CLDN16: variants seen among roughly 807,000 people sequenced by gnomAD.
CLDN16 encodes the protein claudin 16.
A neutral mutation model predicts 24.6 loss-of-function variants in CLDN16; 13 were observed. The ratio of observed to expected loss-of-function variants is 0.53; its 90% CI spans 0.34 to 0.84. The LOEUF is 0.84. Among genes scored for constraint, CLDN16 ranks in the 40% least tolerant of loss-of-function variants. CLDN16 has a pLI of 0.01. For missense variants in CLDN16, 298 were observed against 292.7 expected (o/e 1.02, Z -0.13); for synonymous variants, 116 against 106.7 (o/e 1.09, Z -0.54).
chr3:190,390,095 C>A (rs1274802112), intron 1 of CLDN16, among the ~76,000 whole-genome samples: 1 of 152,182 alleles, frequency 6.6e-6, no homozygotes, highest in Non-Finnish European at 1.5e-5. Flanking sequence ...AAGAATACTT[C>A]TAGTTAAAAC....
At chr3:190,390,942 C>T (rs56337446) in intron 1 of CLDN16, among the ~76,000 whole-genome samples, 28,353 of 152,024 alleles carry the variant, frequency 0.19, 3,082 homozygotes, top group Middle Eastern at 0.29. Flanking sequence ...CATGTCCCCA[C>T]AACTGGCTAA....
At chr3:190,296,744 G>T in the CLDN16 span, among the ~76,000 whole-genome samples, 1 of 151,852 alleles carries the variant, frequency 6.6e-6, no homozygotes, top group South Asian at 2.1e-4. Context: ...AGAGGTGGGG[G>T]TTTCACCGTG....
the CLDN16 span, chr3:190,306,360 C>A: frequency 6.6e-6 from 1 of 152,232 alleles, no homozygotes; most frequent in Non-Finnish European, 1.5e-5. Context: ...ACTTGAGAGA[C>A]TGGTTAAGGC....
intron 1 of CLDN16, among the ~76,000 whole-genome samples, chr3:190,347,148 A>T (rs189002253): frequency 4.4e-4 from 67 of 152,300 alleles, no homozygotes; most frequent in African/African-American, 1.5e-3. Flanking sequence ...GAGACGATTG[A>T]CAGAGAGACC....
chr3:190,292,610 A>G, the CLDN16 span, among the ~76,000 whole-genome samples: 1 of 152,106 alleles, frequency 6.6e-6, no homozygotes, highest in Non-Finnish European at 1.5e-5. Context: ...TTCTTTTTCT[A>G]TTGCATCATC....
chr3:190,350,365 T>TATATATATATATATATATATATAC (rs1318369050), intron 1 of CLDN16, among the ~76,000 whole-genome samples: 7 of 148,614 alleles, frequency 4.7e-5, no homozygotes, highest in Non-Finnish European at 7.4e-5. Flanking sequence ...TATATATATA[T>TATATATATATATATATATATATAC]ACTTTATTAT....
At chr3:190,301,008 C>G in the CLDN16 span, among the ~76,000 whole-genome samples, 2 of 152,136 alleles carry the variant, frequency 1.3e-5, no homozygotes, top group East Asian at 3.9e-4. Context: ...AACCAGCTAG[C>G]CTAGTGATAT....
upstream of CLDN16, among the ~76,000 whole-genome samples, chr3:190,385,678 C>T (rs998727944): frequency 2.0e-5 from 3 of 151,626 alleles, no homozygotes; most frequent in Admixed American, 6.6e-5. Context: ...TTATTTCTTT[C>T]CATTAAGTTC....
At chr3:190,356,153 T>A (rs990844539) in intron 1 of CLDN16, among the ~76,000 whole-genome samples, 7 of 151,864 alleles carry the variant, frequency 4.6e-5, no homozygotes, top group African/African-American at 1.4e-4. Context: ...ATATACAATT[T>A]TTTTTCAGGT....
chr3:190,315,794 A>G, the CLDN16 span, among the ~76,000 whole-genome samples: 144,005 of 152,206 alleles, frequency 0.95, 68,162 homozygotes, highest in East Asian at 1. Context: ...TCACTTGCCC[A>G]GCAGGTCTGA....
intron 2 of CLDN16, among the ~76,000 whole-genome samples, chr3:190,372,457 A>G (rs927945146): frequency 6.6e-6 from 1 of 151,722 alleles, no homozygotes; most frequent in Non-Finnish European, 1.5e-5. Context: ...AGGCTGGGAA[A>G]CATGTTGAGA....
intron 1 of CLDN16, among the ~76,000 whole-genome samples, chr3:190,341,771 C>T (rs569222289): frequency 6.6e-6 from 1 of 152,244 alleles, no homozygotes; most frequent in Non-Finnish European, 1.5e-5. Flanking sequence ...GCTCTGTTTC[C>T]CTTTTAAAAC....
At position 190,345,851 on chromosome 3, in the gene CLDN16, C is replaced by T. The variant is rs549354738; in HGVS notation, n.121+23190C>T. Among the ~76,000 whole-genome samples the T allele has an allele frequency of 4.6e-5, 7 of 152,236 alleles. No homozygotes were observed. In the East Asian group the frequency reaches 1.3e-3, roughly 29 times the overall value. ...TCTGTCCCCTCCTTTAAACTAACAA[C>T]TGTATGTTTATTACTGTATTGATTA... On this transcript the variant is annotated intron_variant and non_coding_transcript_variant, in intron 1 of 4. Transcript: ENST00000468220.
Position 190,404,757 on chromosome 3 carries a change from TC to T in CLDN16, c.218-3del. 1 of 1,614,156 alleles carries T rather than the reference TC, an allele frequency of 6.2e-7. No homozygotes were observed. Among genetic ancestry groups the T allele is most frequent in the African/African-American group, 1.3e-5 (1 of 75,048 alleles). ...CTGCTTTAACCATATGCCCTGGTCTTCCAGTGAAGCTGGTGGTAACTCGAGC... is the reference window on the plus strand; with the variant it reads ...CTGCTTTAACCATATGCCCTGGTCTTCAGTGAAGCTGGTGGTAACTCGAGC... On this transcript the variant is annotated splice_region_variant and splice_polypyrimidine_tract_variant and intron_variant, in intron 2 of 4. Transcript: ENST00000264734.
chr3:190,404,851 G>A lies in CLDN16; in HGVS notation c.307G>A (p.Val103Met), dbSNP rs1419689384. The A allele has an allele frequency of 3.7e-6, 6 of 1,613,974 alleles. No homozygotes were observed. In the African/African-American group the frequency reaches 6.7e-5, roughly 18 times the overall value. Residue 103 changes from valine to methionine, a missense_variant, in exon 3 of 5, where the codon GTG (valine) becomes ATG (methionine). Coordinates refer to ENST00000264734, the MANE Select transcript of CLDN16 (RefSeq NM_006580.4). ...CACCCTGCTCCTTGGTCTTGACTGC[G>A]TGAAATTCCTCCCTGATGAGCCGTA... ...FLTLLLGLDC[V>M]KFLPDEPYIK... is the part of the protein sequence containing the mutation.
the CLDN16 span, among the ~76,000 whole-genome samples, chr3:190,298,007 C>T: frequency 0.063 from 9,510 of 151,926 alleles, 371 homozygotes; most frequent in Middle Eastern, 0.11. Flanking sequence ...TCAGTTGCTG[C>T]TGAATATGAC....
At chr3:190,302,779 A>AAAAT in the CLDN16 span, among the ~76,000 whole-genome samples, 964 of 140,160 alleles carry the variant, frequency 6.9e-3, 8 homozygotes, top group East Asian at 0.015. Context: ...CTCAAAAAAA[A>AAAAT]ATATATATAT....
intron 1 of CLDN16, among the ~76,000 whole-genome samples, chr3:190,340,414 G>A (rs919376555): frequency 5.3e-5 from 8 of 152,156 alleles, no homozygotes; most frequent in East Asian, 1.9e-4. Flanking sequence ...AATGTCTCAC[G>A]TGGTGGCAGA....
In CLDN16 at chr3:190,395,967, A is replaced by T. The variant is rs186317776; in HGVS notation, c.115-6370A>T. ...ACTAGAGAAGAGATAAATGCCGAAC[A>T]TTGTTGAATGTCTCTAATTCTCAAG... On this transcript the variant is annotated intron_variant, in intron 1 of 4. Coordinates refer to ENST00000264734, the MANE Select transcript of CLDN16 (RefSeq NM_006580.4). 2.1e-3 allele frequency among the ~76,000 whole-genome samples: 326 copies of T among 152,238 alleles called. 2 individuals carry two copies. Among genetic ancestry groups the T allele is most frequent in the African/African-American group, 7.7e-3 (318 of 41,562 alleles).
Sources: gnomAD v4.1 joint callset for allele counts (sites outside exome capture counted in the v4.1 genomes callset) on GRCh38, gnomAD v4.1.1 for gene constraint, MANE v1.5 for transcripts, NCBI Gene and HGNC (gene_info 2026-07-23, HGNC 2026-07-21) for gene names.